Variants in ZNF442 observed in about 807,000 individuals in gnomAD.
The protein encoded by ZNF442 is zinc finger protein 442.
Under a neutral mutation model 57.0 loss-of-function variants are expected in ZNF442, and 45 were observed. The observed-to-expected ratio is 0.79, with a 90% CI of 0.62 to 1.01. ZNF442 has a LOEUF of 1.01. ZNF442 is among the 50% of genes least tolerant of loss of function. ZNF442 has a pLI of 0.00. For synonymous variants in ZNF442, 213 were observed against 241.8 expected (o/e 0.88, Z 1.10); for missense variants, 690 against 756.5 (o/e 0.91, Z 1.03).
At chr19:12,364,448 A>G (rs1027903368) in intron 2 of ZNF442, among the ~76,000 whole-genome samples, 2 of 151,806 alleles carry the variant, frequency 1.3e-5, no homozygotes, top group Non-Finnish European at 2.9e-5. Flanking sequence ...GAAGCCATCC[A>G]TTGCTCTCTG....
the ZNF442 span, among the ~76,000 whole-genome samples, chr19:12,372,923 G>GCA: frequency 6.6e-6 from 1 of 152,152 alleles, no homozygotes; most frequent in Non-Finnish European, 1.5e-5. Flanking sequence ...ATAGGCACAT[G>GCA]CCACCATGCC....
Position 12,349,681 on chromosome 19 carries a change from T to G in ZNF442, c.*20A>C. Reference sequence around the variant, plus strand: ...TCACGTTTCTGAAATGAAATAAAATTAATGAATGCTTTTCCACATTTATAG... The same window carrying G: ...TCACGTTTCTGAAATGAAATAAAATGAATGAATGCTTTTCCACATTTATAG... On this transcript the variant is annotated 3_prime_UTR_variant, in exon 6 of 6. Transcript: ENST00000242804. 1 of 1,562,828 alleles carries G rather than the reference T, an allele frequency of 6.4e-7. No individual in the cohort carries two copies. The highest frequency in any genetic ancestry group is 8.6e-7 in the Non-Finnish European group (1 of 1,157,586).
At position 12,365,542 on chromosome 19, in the gene ZNF442, G is replaced by T; in HGVS notation, c.-492C>A. The T allele has an allele frequency of 1.8e-6, 1 of 562,510 alleles. No homozygotes were observed. Among genetic ancestry groups the T allele is most frequent in the Non-Finnish European group, 3.2e-6 (1 of 316,346 alleles). The allele number at this position is 562,510 out of a possible 1,614,324, so 34.8% of individuals were successfully genotyped here. On this transcript the variant is annotated 5_prime_UTR_variant, in exon 1 of 6. Transcript: ENST00000242804. Reference sequence around the variant, plus strand: ...GGCCCCGCACACTCACCATTTCCCGGCTTCCGCGGTGTCCCGTGTTCTCCC... The same window carrying T: ...GGCCCCGCACACTCACCATTTCCCGTCTTCCGCGGTGTCCCGTGTTCTCCC...
At chr19:12,358,156 G>A (rs920835197) in intron 3 of ZNF442, among the ~76,000 whole-genome samples, 1 of 151,822 alleles carries the variant, frequency 6.6e-6, no homozygotes, top group African/African-American at 2.4e-5. Context: ...GTAGAGACGG[G>A]GTTTCACCAT....
rs1450722835 is a variant in ZNF442 at position 12,349,801 on chromosome 19, G to A, written c.1784C>T (p.Thr595Ile). The A allele has an allele frequency of 6.2e-7, 1 of 1,614,056 alleles. No individual in the cohort carries two copies. Among genetic ancestry groups the A allele is most frequent in the South Asian group, 1.1e-5 (1 of 91,090 alleles). Residue 595 changes from threonine (T) to isoleucine (I), a missense_variant, in exon 6 of 6, where the codon ACT becomes ATT. Physicochemically the swap from Thr to Ile is moderately conservative, Grantham distance 89. Coordinates refer to ENST00000242804, the MANE Select transcript of ZNF442 (RefSeq NM_030824.3). ...CTTACATTCATGCATCTTCTCTCCAGTGTGAGTTTTTTCATGTCCTCGAAG... is the reference window on the plus strand; with the variant it reads ...CTTACATTCATGCATCTTCTCTCCAATGTGAGTTTTTTCATGTCCTCGAAG... ...RFLRGHEKTH[T>I]GEKMHECKEC...
intron 3 of ZNF442, among the ~76,000 whole-genome samples, chr19:12,360,089 T>G (rs1969398426): frequency 6.6e-6 from 1 of 152,208 alleles, no homozygotes; most frequent in African/African-American, 2.4e-5. Flanking sequence ...TGCCCAACCT[T>G]AGAGATGCCT....
upstream of ZNF442, among the ~76,000 whole-genome samples, chr19:12,369,570 C>T (rs1207365056): frequency 6.8e-6 from 1 of 146,166 alleles, no homozygotes; most frequent in East Asian, 2.1e-4. Flanking sequence ...GTGAGCACTC[C>T]AGCCTGGGCA....
rs1348917959 is a variant in ZNF442, at chr19:12,346,029, T to A, written c.*3672A>T. The stretch of plus-strand genomic sequence containing the variant: ...AAGATAAACTGGACTACATCGAAAT[T>A]AAAAACTTTTGCGCACCAAAGGACA... On this transcript the variant is annotated 3_prime_UTR_variant, in exon 6 of 6. Coordinates refer to ENST00000242804, the MANE Select transcript of ZNF442 (RefSeq NM_030824.3). 6.6e-6 allele frequency: 1 copy of A among 152,006 alleles called. No homozygotes were observed. Among genetic ancestry groups the A allele is most frequent in the African/African-American group, 2.4e-5 (1 of 41,390 alleles). The allele number at this position is 152,006 out of a possible 1,614,324, so 9.4% of individuals were successfully genotyped here. A position where few individuals can be genotyped will look rare whatever the true frequency, so the allele number is the denominator to read the frequency against.
At position 12,352,980 on chromosome 19, in the gene ZNF442, A is replaced by T. The variant is rs116790981; in HGVS notation, c.205+8T>A. On this transcript the variant is annotated splice_region_variant and intron_variant, in intron 4 of 5. Transcript: ENST00000242804. ...ATTGACTAAGTGAAGACATAATGTC[A>T]TTTTTACCTATACAGTCCAGGTTCC... 3,488 of 1,595,132 alleles carry T rather than the reference A, an allele frequency of 2.2e-3. 53 individuals carry two copies. The African/African-American group carries it at 0.042, about 19-fold the overall frequency.
At chr19:12,372,883 T>C in the ZNF442 span, among the ~76,000 whole-genome samples, 4 of 152,284 alleles carry the variant, frequency 2.6e-5, no homozygotes, top group Non-Finnish European at 2.9e-5. Context: ...AAGCAATTCT[T>C]CTGCCTCAGC....
chr19:12,350,780 G>C lies in ZNF442; in HGVS notation c.805C>G (p.His269Asp). ...HTGEKPYECK[H>D]CSKAFPDYSS... Reference sequence around the variant, plus strand: ...TAATCAGGGAAGGCTTTGGAACAGTGCTTGCATTCATATGGTTTCTCCCCA... The same window carrying C: ...TAATCAGGGAAGGCTTTGGAACAGTCCTTGCATTCATATGGTTTCTCCCCA... The change falls in exon 6 of 6, where the codon CAC becomes GAC. Residue 269 changes from histidine (H) to aspartate (D), a missense_variant. By Grantham distance (81) the His-to-Asp change is moderately conservative. Transcript: ENST00000242804. 1 of 1,614,010 alleles carries C rather than the reference G, an allele frequency of 6.2e-7. No individual in the cohort carries two copies. Among genetic ancestry groups the C allele is most frequent in the East Asian group, 2.2e-5 (1 of 44,864 alleles).
chr19:12,359,527 T>C (rs2144834444), intron 3 of ZNF442, among the ~76,000 whole-genome samples: 1 of 152,338 alleles, frequency 6.6e-6, no homozygotes, highest in South Asian at 2.1e-4. Context: ...CTGATCATAC[T>C]GAACAAAATA....
At chr19:12,373,679 G>A in the ZNF442 span, 11 of 303,200 alleles carry the variant, frequency 3.6e-5, no homozygotes, top group Non-Finnish European at 4.7e-5. Flanking sequence ...AATATGTGCC[G>A]CCAGTGTTTC....
Position 12,350,779 on chromosome 19 carries a change from T to C in ZNF442, c.806A>G (p.His269Arg), listed in dbSNP as rs1969216910. The C allele has an allele frequency of 6.2e-7, 1 of 1,613,990 alleles. No individual in the cohort carries two copies. The highest frequency in any genetic ancestry group is 8.5e-7 in the Non-Finnish European group (1 of 1,180,022). ...HTGEKPYECK[H>R]CSKAFPDYSS... ...GTAATCAGGGAAGGCTTTGGAACAGTGCTTGCATTCATATGGTTTCTCCCC... is the reference window on the plus strand; with the variant it reads ...GTAATCAGGGAAGGCTTTGGAACAGCGCTTGCATTCATATGGTTTCTCCCC... The change falls in exon 6 of 6, where the codon CAC becomes CGC. Residue 269 changes from histidine (H) to arginine (R), a missense_variant. By Grantham distance (29) the His-to-Arg change is conservative. Transcript: ENST00000242804.
Position 12,351,208 on chromosome 19 carries a change from C to A in ZNF442, c.377G>T (p.Gly126Val). The A allele has an allele frequency of 6.2e-7, 1 of 1,614,152 alleles. No individual in the cohort carries two copies. The highest frequency in any genetic ancestry group is 8.5e-7 in the Non-Finnish European group (1 of 1,180,024). ...GATATAGCAATTAAGGAATGAACAA[C>A]CCATGATTTCTCCACACACACTGCT... Reference protein sequence around the residue: ...CKSSVCGEIMGCSFLNCYITF... With the variant: ...CKSSVCGEIMVCSFLNCYITF... Residue 126 changes from glycine (G) to valine (V), a missense_variant, in exon 6 of 6, where the codon GGT becomes GTT. Coordinates refer to ENST00000242804, the MANE Select transcript of ZNF442 (RefSeq NM_030824.3).
chr19:12,368,476 C>T (rs970917500), upstream of ZNF442, among the ~76,000 whole-genome samples: 4 of 152,178 alleles, frequency 2.6e-5, no homozygotes, highest in Non-Finnish European at 5.9e-5. Flanking sequence ...TGGCTTCAGC[C>T]GGTCCCTCCA....
intron 2 of ZNF442, among the ~76,000 whole-genome samples, chr19:12,364,237 C>T (rs1292957523): frequency 6.6e-6 from 1 of 151,714 alleles, no homozygotes; most frequent in Non-Finnish European, 1.5e-5. Flanking sequence ...GAAACCCCGT[C>T]GCTACTAAAA....
chr19:12,370,865 C>T (rs1306830855), upstream of ZNF442, among the ~76,000 whole-genome samples: 7 of 150,730 alleles, frequency 4.6e-5, no homozygotes, highest in South Asian at 4.2e-4. Flanking sequence ...CCCAGCTACT[C>T]GGGAGGCTGA....
chr19:12,373,318 T>C, the ZNF442 span, among the ~76,000 whole-genome samples: 5 of 152,070 alleles, frequency 3.3e-5, no homozygotes, highest in Non-Finnish European at 5.9e-5. Flanking sequence ...AGTGGGTGGA[T>C]TGCTTGAGTT....
Sources: gnomAD v4.1 joint callset for allele counts (sites outside exome capture counted in the v4.1 genomes callset) on GRCh38, gnomAD v4.1.1 for gene constraint, MANE v1.5 for transcripts, NCBI Gene and HGNC (gene_info 2026-07-23, HGNC 2026-07-21) for gene names.